The following HERC1 variants were observed in gnomAD, a reference collection of about 807,000 sequenced individuals.
The protein encoded by HERC1 is probable E3 ubiquitin-protein ligase HERC1.
Under a neutral mutation model 554.3 loss-of-function variants are expected in HERC1, and 160 were observed. The observed-to-expected ratio is 0.29, with a 90% confidence interval of 0.25 to 0.33. The LOEUF is 0.33. Ranked by LOEUF, HERC1 falls within the 10% of genes least tolerant of loss-of-function variation. The pLI, the probability that HERC1 is intolerant of heterozygous loss-of-function variation, is 1.00. For synonymous variants in HERC1, 2,175 were observed against 2,131.7 expected (o/e 1.02, Z -0.56); for missense variants, 4,919 against 5,918.5 (o/e 0.83, Z 5.54).
Position 63,677,107 on chromosome 15 carries a change from T to C in HERC1, c.7070+738A>G, listed in dbSNP as rs2071250563. Among the ~76,000 whole-genome samples the C allele has an allele frequency of 6.6e-6, 1 of 152,188 alleles. No individual in the cohort carries two copies. The highest frequency in any genetic ancestry group is 1.5e-5 in the Non-Finnish European group (1 of 68,028). ...CTGAAATGCTCCAATGGGCAACTCCTTTGAGTGAAAACCTGAAACTTTTTG... is the reference window on the plus strand; with the variant it reads ...CTGAAATGCTCCAATGGGCAACTCCCTTGAGTGAAAACCTGAAACTTTTTG... On this transcript the variant is annotated intron_variant, in intron 37 of 77. Transcript: ENST00000443617. This position sits in a 1 kb window ranked among gnomAD's most constrained non-coding sequence, Gnocchi z 4.4.
At position 63,661,870 on chromosome 15, in the gene HERC1, A is replaced by G. The variant is rs777199236; in HGVS notation, c.9053T>C (p.Val3018Ala). 1.2e-6 allele frequency: 2 copies of G among 1,614,004 alleles called. No individual in the cohort carries two copies. The highest frequency in any genetic ancestry group is 1.7e-6 in the Non-Finnish European group (2 of 1,179,876). Residue 3018 changes from valine (V) to alanine (A), a missense_variant, in exon 45 of 78, where the codon GTG becomes GCG. Coordinates refer to ENST00000443617, the MANE Select transcript of HERC1 (RefSeq NM_003922.4). ...ACATTCACCGCCAAACCAGCCATCC[A>G]CATAGGAACCATTGCTGCGATAGCC... ...RQGYRSNGSY[V>A]DGWFGGECGS... is the part of the protein sequence containing the mutation.
At chr15:63,654,028 G>C (rs761796583) in intron 51 of HERC1, 91 bp downstream of exon 51, 3 of 942,542 alleles carry the variant, frequency 3.2e-6, no homozygotes, top group Non-Finnish European at 5.0e-6. Flanking sequence ...GACACAAAGA[G>C]AGAGACCTAA....
chr15:63,615,820 T>G lies in HERC1; in HGVS notation c.14042A>C (p.Lys4681Thr), dbSNP rs746917734. 2 of 1,608,660 alleles carry G rather than the reference T, an allele frequency of 1.2e-6. No individual in the cohort carries two copies. Among genetic ancestry groups the G allele is most frequent in the Non-Finnish European group, 1.7e-6 (2 of 1,178,112 alleles). Residue 4681 changes from lysine (K) to threonine (T), a missense_variant, in exon 76 of 78, where the codon AAG becomes ACG. Coordinates refer to ENST00000443617, the MANE Select transcript of HERC1 (RefSeq NM_003922.4). Reference sequence around the variant, plus strand: ...TTCAATGGCCCTCTCCACATATTCCTTCCTGTTGGAAAATGTGAGTGGGAT... The same window carrying G: ...TTCAATGGCCCTCTCCACATATTCCGTCCTGTTGGAAAATGTGAGTGGGAT... Reference protein sequence around the residue: ...NSIPLTFSNRKEYVERAIEYR... With the variant: ...NSIPLTFSNRTEYVERAIEYR...
intron 1 of HERC1, among the ~76,000 whole-genome samples, chr15:63,805,445 T>TA (rs541444054): frequency 4.5e-4 from 69 of 152,234 alleles, no homozygotes; most frequent in African/African-American, 1.5e-3. Flanking sequence ...ACCACGGTGA[T>TA]AAAAAGCACA....
At chr15:63,663,716 T>G (rs2070472424) in intron 43 of HERC1, among the ~76,000 whole-genome samples, 1 of 152,084 alleles carries the variant, frequency 6.6e-6, no homozygotes, top group Non-Finnish European at 1.5e-5. Flanking sequence ...TGCCTCCACC[T>G]CCCAAAGTGC....
chr15:63,674,099 G>A (rs2071075675), intron 38 of HERC1, among the ~76,000 whole-genome samples: 1 of 152,050 alleles, frequency 6.6e-6, no homozygotes, highest in Non-Finnish European at 1.5e-5. Context: ...ACAAAATGTA[G>A]TAATAATTGC....
At chr15:63,707,177 T>G (rs546229927) in intron 24 of HERC1, among the ~76,000 whole-genome samples, 23 of 152,356 alleles carry the variant, frequency 1.5e-4, no homozygotes, top group Admixed American at 4.6e-4. Context: ...AGCCTTGAAG[T>G]AGTGCCTTAT....
chr15:63,674,258 A>G, intron 38 of HERC1, 84 bp downstream of exon 38: 1 of 1,135,296 alleles, frequency 8.8e-7, no homozygotes, highest in Admixed American at 3.1e-5. Flanking sequence ...TTTACAAATC[A>G]CTTACAGAAT....
chr15:63,728,056 C>A (rs914704905), intron 16 of HERC1, among the ~76,000 whole-genome samples: 1 of 152,110 alleles, frequency 6.6e-6, no homozygotes, highest in Non-Finnish European at 1.5e-5. Context: ...ATTCTCCGTA[C>A]CAACAAATTC....
intron 12 of HERC1, among the ~76,000 whole-genome samples, chr15:63,740,608 C>T (rs1186833505): frequency 6.6e-6 from 1 of 152,162 alleles, no homozygotes; most frequent in Non-Finnish European, 1.5e-5. Context: ...TTTTTGATTA[C>T]TGTCACTTAG....
chr15:63,623,871 T>C lies in HERC1; in HGVS notation c.13465A>G (p.Ile4489Val), dbSNP rs2068188836. Residue 4489 changes from isoleucine (I) to valine (V), a missense_variant, in exon 73 of 78, where the codon ATT becomes GTT. Ile to Val is a conservative substitution (Grantham distance 29, BLOSUM62 3). Transcript: ENST00000443617. ...ACTTGTCTCGCTATTTGGACAAAAA[T>C]AGGCTTACACTTCCGTCCTCTTTAA... is the stretch of plus-strand genomic sequence containing the variant. ...ISTRGRKCKP[I>V]FVQIARQVVK... 6.2e-7 allele frequency: 1 copy of C among 1,613,826 alleles called. No individual in the cohort carries two copies. The highest frequency in any genetic ancestry group is 8.5e-7 in the Non-Finnish European group (1 of 1,179,874).
At chr15:63,737,354 T>TATATATA (rs2074554457) in intron 12 of HERC1, among the ~76,000 whole-genome samples, 1 of 144,958 alleles carries the variant, frequency 6.9e-6, no homozygotes, top group East Asian at 2.0e-4. Context: ...CTTCCAGATA[T>TATATATA]ATATATATCT....
At chr15:63,770,532 A>T (rs2075919918) in intron 2 of HERC1, among the ~76,000 whole-genome samples, 1 of 152,204 alleles carries the variant, frequency 6.6e-6, no homozygotes, top group Non-Finnish European at 1.5e-5. Flanking sequence ...AATGGCGTAC[A>T]TATGGTTATT....
chr15:63,694,737 A>G lies in HERC1; in HGVS notation c.5242+37T>C, dbSNP rs201126069. On this transcript the variant is annotated intron_variant, in intron 28 of 77. Coordinates refer to ENST00000443617, the MANE Select transcript of HERC1 (RefSeq NM_003922.4). This position sits in a 1 kb window ranked among gnomAD's most constrained non-coding sequence, Gnocchi z 4.3. ...GTACCATAACCTCGGGCTAAAATGT[A>G]ACCTGCACTGTACATTTGCAGGAAC... is the stretch of plus-strand genomic sequence containing the variant. 79 of 1,613,450 alleles carry G rather than the reference A, an allele frequency of 4.9e-5. 1 individual carries two copies. The Middle Eastern group carries it at 1.3e-3, about 27-fold the overall frequency.
intron 39 of HERC1, 131 bp from the exon 40 acceptor site, chr15:63,669,829 G>T: frequency 1.5e-6 from 1 of 680,916 alleles, no homozygotes; most frequent in Non-Finnish European, 2.5e-6. Flanking sequence ...GGAGGGTGGG[G>T]AGAAAGACTC....
chr15:63,695,230 T>TTTCACCATA (rs1555422356), intron 27 of HERC1, among the ~76,000 whole-genome samples: 1 of 151,690 alleles, frequency 6.6e-6, no homozygotes, highest in African/African-American at 2.4e-5. Flanking sequence ...AGAGACAGGG[T>TTTCACCATA]TTCGCCATAT....
chr15:63,778,929 A>T (rs908656642), intron 1 of HERC1, among the ~76,000 whole-genome samples: 6 of 152,106 alleles, frequency 3.9e-5, no homozygotes, highest in Admixed American at 6.5e-5. Flanking sequence ...GCAGAAATAG[A>T]CAAAAAGAAA....
chr15:63,679,977 T>C (rs1180194660), intron 36 of HERC1, 100 bp downstream of exon 36: 1 of 777,648 alleles, frequency 1.3e-6, no homozygotes, highest in Non-Finnish European at 2.0e-6. Context: ...TCAAGTACTT[T>C]TAATGGCAGA....
chr15:63,618,439 T>C (rs2067920754), intron 74 of HERC1, among the ~76,000 whole-genome samples: 1 of 152,052 alleles, frequency 6.6e-6, no homozygotes, highest in South Asian at 2.1e-4. Flanking sequence ...GGTAGTGTGA[T>C]GCCTCCAGCT....
Sources: gnomAD v4.1 joint callset for allele counts (sites outside exome capture counted in the v4.1 genomes callset) on GRCh38, gnomAD v4.1.1 for gene constraint, Gnocchi (gnomAD v3.1) non-coding constraint, MANE v1.5 for transcripts, NCBI Gene and HGNC (gene_info 2026-07-23, HGNC 2026-07-21) for gene names.